Variants in FOXO1 observed in about 807,000 individuals in gnomAD.
The protein encoded by FOXO1 is forkhead box protein O1.
FOXO1 carries 6 observed loss-of-function variants against 44.1 expected under a neutral mutation model. That is an observed-to-expected ratio of 0.14 (90% CI 0.07 to 0.27). The LOEUF (loss-of-function observed/expected upper bound fraction) is 0.27, where lower values mean the gene tolerates loss of function less well. Ranked by LOEUF, FOXO1 falls within the 10% of genes least tolerant of loss-of-function variation. The pLI is 1.00. For missense variants in FOXO1, 737 were observed against 888.8 expected (o/e 0.83, Z 2.17); for synonymous variants, 380 against 362.7 (o/e 1.05, Z -0.54).
chr13:40,652,765 T>C (rs1459512694), intron 1 of FOXO1, among the ~76,000 whole-genome samples: 2 of 152,218 alleles, frequency 1.3e-5, no homozygotes, highest in African/African-American at 2.4e-5. Context: ...AGCTAAACCA[T>C]ATGCAAACCA....
intron 1 of FOXO1, among the ~76,000 whole-genome samples, chr13:40,592,933 C>T (rs532058443): frequency 6.6e-5 from 10 of 152,226 alleles, no homozygotes; most frequent in African/African-American, 2.4e-4. Context: ...CACTTCACAG[C>T]CTATATAAGA....
chr13:40,628,358 C>T (rs997023710), intron 1 of FOXO1, among the ~76,000 whole-genome samples: 1 of 122,758 alleles, frequency 8.1e-6, no homozygotes, highest in African/African-American at 3.5e-5. Flanking sequence ...GAGCTGTTTA[C>T]ACACACACAC....
intron 1 of FOXO1, among the ~76,000 whole-genome samples, chr13:40,657,325 T>TA (rs1161044101): frequency 6.7e-6 from 1 of 150,324 alleles, no homozygotes; most frequent in Non-Finnish European, 1.5e-5. Flanking sequence ...TTTTCTTTTT[T>TA]TTTTTTTTTT....
chr13:40,591,122 T>C (rs1875353927), intron 1 of FOXO1, among the ~76,000 whole-genome samples: 1 of 151,588 alleles, frequency 6.6e-6, no homozygotes, highest in Non-Finnish European at 1.5e-5. Context: ...TCAACAGAGG[T>C]CCATCGTTTC....
intron 1 of FOXO1, chr13:40,618,728 G>A (rs556134155): frequency 4.4e-5 from 18 of 413,192 alleles, no homozygotes; most frequent in African/African-American, 3.3e-4. Context: ...AGAAAGCCAG[G>A]AATCTCAGGA....
chr13:40,567,314 G>GT (rs1426105224), intron 1 of FOXO1, among the ~76,000 whole-genome samples: 2 of 151,874 alleles, frequency 1.3e-5, no homozygotes, highest in Non-Finnish European at 2.9e-5. Context: ...TTATATTTTT[G>GT]TATTTATTTC....
At chr13:40,633,531 T>C (rs1877045864) in intron 1 of FOXO1, among the ~76,000 whole-genome samples, 2 of 152,220 alleles carry the variant, frequency 1.3e-5, no homozygotes, top group Non-Finnish European at 1.5e-5. Flanking sequence ...AGATCACATA[T>C]TGTAAAATGA....
At chr13:40,631,704 A>C (rs1486855115) in intron 1 of FOXO1, among the ~76,000 whole-genome samples, 2 of 152,228 alleles carry the variant, frequency 1.3e-5, no homozygotes, top group Admixed American at 1.3e-4. Context: ...TAAAGGACCT[A>C]AAGTAGTCAA....
At chr13:40,566,995 A>G (rs982729023) in intron 1 of FOXO1, among the ~76,000 whole-genome samples, 2 of 151,974 alleles carry the variant, frequency 1.3e-5, no homozygotes, top group Non-Finnish European at 2.9e-5. Flanking sequence ...TCTGCCTCCT[A>G]AGAGCTGAGC....
chr13:40,618,237 C>CTAG (rs1176810539), intron 1 of FOXO1, among the ~76,000 whole-genome samples: 2 of 152,116 alleles, frequency 1.3e-5, no homozygotes, highest in Non-Finnish European at 2.9e-5. Context: ...GCCACACACC[C>CTAG]TGCTAATTTT....
At chr13:40,651,404 G>A (rs1209709203) in intron 1 of FOXO1, among the ~76,000 whole-genome samples, 2 of 152,144 alleles carry the variant, frequency 1.3e-5, no homozygotes, top group East Asian at 3.8e-4. Flanking sequence ...AGAGGTCACA[G>A]CAGGGAAAGT....
chr13:40,592,790 G>A (rs906284099), intron 1 of FOXO1, among the ~76,000 whole-genome samples: 1 of 152,014 alleles, frequency 6.6e-6, no homozygotes, highest in African/African-American at 2.4e-5. Flanking sequence ...ACACTTTATT[G>A]CTTCACAGTG....
intron 1 of FOXO1, among the ~76,000 whole-genome samples, chr13:40,657,672 C>G (rs1223801384): frequency 1.3e-5 from 2 of 152,152 alleles, no homozygotes; most frequent in East Asian, 3.9e-4. Context: ...ACGGCCAATA[C>G]AGAACTTCAT....
At chr13:40,594,807 C>T (rs186684283) in intron 1 of FOXO1, among the ~76,000 whole-genome samples, 93 of 152,272 alleles carry the variant, frequency 6.1e-4, no homozygotes, top group African/African-American at 2.0e-3. Context: ...TTGCCTCAGC[C>T]TCCCAAGTAG....
intron 1 of FOXO1, among the ~76,000 whole-genome samples, chr13:40,564,080 C>T (rs1874163023): frequency 6.6e-6 from 1 of 152,130 alleles, no homozygotes; most frequent in Non-Finnish European, 1.5e-5. Context: ...AAAGATCTTC[C>T]CAGATAGAAG....
intron 1 of FOXO1, among the ~76,000 whole-genome samples, chr13:40,562,151 C>T (rs1234902909): frequency 6.6e-6 from 1 of 152,004 alleles, no homozygotes; most frequent in East Asian, 1.9e-4. Flanking sequence ...GTGCCCCTAC[C>T]CTCCAGTTCT....
intron 1 of FOXO1, among the ~76,000 whole-genome samples, chr13:40,571,244 G>C (rs966352390): frequency 1.3e-5 from 2 of 151,994 alleles, no homozygotes; most frequent in African/African-American, 4.8e-5. Context: ...AAGGGGGAGG[G>C]ATAGCATTAG....
At chr13:40,619,667 G>T (rs1431806139) in intron 1 of FOXO1, 5 of 1,491,282 alleles carry the variant, frequency 3.4e-6, no homozygotes, top group Non-Finnish European at 4.7e-6. Context: ...TTCAATGGTG[G>T]TAGTTCCAAC....
intron 1 of FOXO1, among the ~76,000 whole-genome samples, chr13:40,589,349 G>T (rs577578137): frequency 4.6e-5 from 7 of 151,706 alleles, no homozygotes; most frequent in South Asian, 2.1e-4. Context: ...TGAAATTAAA[G>T]AAAAAAAACT....
Sources: allele counts gnomAD v4.1 joint callset (sites outside exome capture counted in the v4.1 genomes callset), GRCh38; gene constraint gnomAD v4.1.1; transcripts MANE v1.5; gene names NCBI Gene and HGNC (gene_info 2026-07-23, HGNC 2026-07-21).